The following EPHA6 variants were observed in gnomAD, a reference collection of about 807,000 sequenced individuals.
EPHA6 encodes the protein ephrin type-A receptor 6.
EPHA6 carries 50 observed loss-of-function variants against 112.0 expected under a neutral mutation model. The observed-to-expected ratio is 0.45, with a 90% confidence interval of 0.36 to 0.56. EPHA6 has a LOEUF of 0.56. EPHA6 is among the 20% of genes least tolerant of loss of function. The pLI is 0.00. For missense variants in EPHA6, 1,280 were observed against 1,417.4 expected (o/e 0.90, Z 1.56); for synonymous variants, 529 against 490.7 (o/e 1.08, Z -1.03).
intron 11 of EPHA6, among the ~76,000 whole-genome samples, chr3:97,562,150 C>A (rs1288864317): frequency 6.6e-6 from 1 of 152,130 alleles, no homozygotes; most frequent in Non-Finnish European, 1.5e-5. Context: ...ATCCATTCTG[C>A]AGCCCATAGA....
intron 3 of EPHA6, among the ~76,000 whole-genome samples, chr3:97,012,488 A>T (rs2044121644): frequency 6.7e-6 from 1 of 149,534 alleles, no homozygotes; most frequent in African/African-American, 2.4e-5. Context: ...CTGCCCAACT[A>T]ATTATGTATA....
intron 14 of EPHA6, among the ~76,000 whole-genome samples, chr3:97,676,178 T>C (rs1443439904): frequency 6.6e-6 from 1 of 152,072 alleles, no homozygotes; most frequent in Non-Finnish European, 1.5e-5. Flanking sequence ...GCCATGAGAC[T>C]GAATGATATT....
intron 14 of EPHA6, among the ~76,000 whole-genome samples, chr3:97,676,386 T>C (rs1235920041): frequency 6.6e-6 from 1 of 152,204 alleles, no homozygotes; most frequent in Non-Finnish European, 1.5e-5. Flanking sequence ...ACTGACCATT[T>C]GATTTAGCAA....
chr3:97,043,815 C>T (rs1289639592), intron 3 of EPHA6, among the ~76,000 whole-genome samples: 1 of 152,146 alleles, frequency 6.6e-6, no homozygotes, highest in Non-Finnish European at 1.5e-5. Context: ...TATATCTGTT[C>T]AGCACACTGA....
intron 7 of EPHA6, among the ~76,000 whole-genome samples, chr3:97,452,234 G>T (rs2107337725): frequency 6.6e-6 from 1 of 151,836 alleles, no homozygotes; most frequent in Non-Finnish European, 1.5e-5. Context: ...GCTGACAAAT[G>T]CTAAGATTAC....
intron 3 of EPHA6, among the ~76,000 whole-genome samples, chr3:97,162,294 T>C (rs903751673): frequency 3.3e-5 from 5 of 152,168 alleles, no homozygotes; most frequent in African/African-American, 1.2e-4. Flanking sequence ...ACAATTCTAG[T>C]ACCTTCCATT....
chr3:97,448,623 T>A lies in EPHA6; in HGVS notation c.1787T>A (p.Ile596Asn). 1 of 1,613,602 alleles carries A rather than the reference T, an allele frequency of 6.2e-7. No individual in the cohort carries two copies. Among genetic ancestry groups the A allele is most frequent in the Non-Finnish European group, 8.5e-7 (1 of 1,179,606 alleles). Residue 596 changes from isoleucine (I) to asparagine (N), a missense_variant, in exon 7 of 18, where the codon ATC becomes AAC. By Grantham distance (149) the Ile-to-Asn change is moderately radical. Around this residue, in one of 4 missense-constraint regions of EPHA6, gnomAD observed 878 missense variants for 999.7 expected, o/e 0.88. Transcript: ENST00000389672. ...STRSKAPSVI[I>N]TGLKPATKYV... ...AGGTCCAAAGCCCCCAGTGTCATCA[T>A]CACAGGTCTTAAGCCAGCCACCAAA...
chr3:97,313,779 C>T (rs2081671874), intron 5 of EPHA6, among the ~76,000 whole-genome samples: 1 of 151,476 alleles, frequency 6.6e-6, no homozygotes, highest in Non-Finnish European at 1.5e-5. Flanking sequence ...GACTATTAGC[C>T]CCTTAACAGA....
chr3:97,422,326 A>G (rs184187199), intron 6 of EPHA6, among the ~76,000 whole-genome samples: 5 of 152,282 alleles, frequency 3.3e-5, no homozygotes, highest in Admixed American at 2.0e-4. Context: ...CTTATGTAAG[A>G]TCTGTATGTC....
intron 3 of EPHA6, among the ~76,000 whole-genome samples, chr3:97,087,689 C>A (rs2046944188): frequency 6.6e-6 from 1 of 152,120 alleles, no homozygotes; most frequent in Non-Finnish European, 1.5e-5. Flanking sequence ...GTGAGATTGT[C>A]TTCTGAAATG....
chr3:97,660,692 G>T lies in EPHA6; in HGVS notation c.2784+22610G>T, dbSNP rs535872070. Among the ~76,000 whole-genome samples the T allele has an allele frequency of 2.1e-4, 32 of 152,218 alleles. 1 individual carries two copies. The highest frequency in any genetic ancestry group is 2.0e-3 in the Admixed American group (30 of 15,258). ...GGCCCACCAGTACAGACATTGACAG[G>T]TGACAATATCTGGAGAGTATTCTTT... On this transcript the variant is annotated intron_variant, in intron 14 of 17. Transcript: ENST00000389672.
intron 2 of EPHA6, among the ~76,000 whole-genome samples, chr3:96,971,593 A>T (rs1463487805): frequency 7.0e-6 from 1 of 142,750 alleles, no homozygotes; most frequent in African/African-American, 2.9e-5. Flanking sequence ...AAAGTGACTA[A>T]GTAGTTCTGA....
At chr3:97,550,624 G>C (rs949172110) in intron 11 of EPHA6, among the ~76,000 whole-genome samples, 2 of 152,120 alleles carry the variant, frequency 1.3e-5, no homozygotes, top group African/African-American at 4.8e-5. Context: ...ATCTCTGACT[G>C]CATCGAGAGC....
At chr3:97,387,973 G>A (rs929298473) in intron 5 of EPHA6, among the ~76,000 whole-genome samples, 1 of 152,108 alleles carries the variant, frequency 6.6e-6, no homozygotes, top group Non-Finnish European at 1.5e-5. Flanking sequence ...GAGAATGAGG[G>A]GGAAGTGCTA....
intron 5 of EPHA6, among the ~76,000 whole-genome samples, chr3:97,247,115 T>C (rs1417301200): frequency 1.3e-5 from 2 of 152,030 alleles, no homozygotes; most frequent in Non-Finnish European, 2.9e-5. Context: ...TTGGAGTATC[T>C]TTGGGAATTC....
intron 11 of EPHA6, among the ~76,000 whole-genome samples, chr3:97,591,018 G>A (rs571096939): frequency 3.3e-5 from 5 of 152,194 alleles, no homozygotes; most frequent in South Asian, 4.1e-4. Flanking sequence ...AAGTTACCTC[G>A]GAGTACTTTC....
rs1174906092 is a variant in EPHA6, at chr3:97,752,139, T to C, written c.*3438T>C. On this transcript the variant is annotated 3_prime_UTR_variant, in exon 18 of 18. Coordinates refer to ENST00000389672, the MANE Select transcript of EPHA6 (RefSeq NM_001080448.3). The stretch of plus-strand genomic sequence containing the variant: ...ATAAGACATCTTATTTCACTCTGCA[T>C]TGGTCTTTAAAATCTATCAAAGTAT... The C allele has an allele frequency of 4.5e-6, 1 of 223,654 alleles. No individual in the cohort carries two copies. Among genetic ancestry groups the C allele is most frequent in the Non-Finnish European group, 8.9e-6 (1 of 112,084 alleles). 13.9% of individuals were successfully genotyped at this position (223,654 alleles called of 1,614,324 possible). A position where few individuals can be genotyped will look rare whatever the true frequency, so the allele number is the denominator to read the frequency against.
At chr3:97,286,591 C>T (rs1465562790) in intron 5 of EPHA6, among the ~76,000 whole-genome samples, 1 of 151,732 alleles carries the variant, frequency 6.6e-6, no homozygotes, top group African/African-American at 2.4e-5. Flanking sequence ...TTCCATTGGT[C>T]TATGTGTTTG....
chr3:97,200,438 G>C (rs963725364), intron 3 of EPHA6, among the ~76,000 whole-genome samples: 1 of 151,998 alleles, frequency 6.6e-6, no homozygotes, highest in Non-Finnish European at 1.5e-5. Flanking sequence ...TGCTGTGATT[G>C]ACTATATGAG....
Sources: gnomAD v4.1 joint callset for allele counts (sites outside exome capture counted in the v4.1 genomes callset) on GRCh38, gnomAD v4.1.1 for gene constraint, gnomAD v4.1.1 regional missense constraint, MANE v1.5 for transcripts, NCBI Gene and HGNC (gene_info 2026-07-23, HGNC 2026-07-21) for gene names.